The following MSANTD5 variants were observed in gnomAD, a reference collection of about 807,000 sequenced individuals.
MSANTD5 encodes the protein Myb/SANT DNA binding domain containing 5, also known as uncharacterized protein MSANTD5.
At chr5:178,701,029 A>T (rs6870637), upstream of MSANTD5, among the ~76,000 whole-genome samples, 3 of 151,896 alleles carry the variant, frequency 2.0e-5, no homozygotes, top group Admixed American at 1.3e-4. Context: ...GCTGGAGTGC[A>T]GTGGCGCGAT....
chr5:178,707,274 T>C, the MSANTD5 span: 1 of 152,104 alleles, frequency 6.6e-6, no homozygotes, highest in Non-Finnish European at 1.5e-5. Context: ...ACAGTTTAAA[T>C]GCCGAGGAAG....
the MSANTD5 span, among the ~76,000 whole-genome samples, chr5:178,702,846 C>T: frequency 2.6e-5 from 4 of 152,180 alleles, no homozygotes; most frequent in African/African-American, 9.7e-5. Flanking sequence ...ATCTGTCCGC[C>T]TCGGCCTCCC....
upstream of MSANTD5, among the ~76,000 whole-genome samples, chr5:178,700,535 C>T (rs747210208): frequency 2.0e-5 from 3 of 148,516 alleles, no homozygotes; most frequent in Admixed American, 6.8e-5. Context: ...CTTGGTCCTG[C>T]CCCACCTCAC....
chr5:178,691,591 A>G (rs576324790), downstream of MSANTD5, among the ~76,000 whole-genome samples: 55 of 136,434 alleles, frequency 4.0e-4, 7 homozygotes, highest in African/African-American at 1.4e-3. Flanking sequence ...AGCCCATAAG[A>G]AGGGCATGAA....
chr5:178,693,360 T>A (rs990945941), downstream of MSANTD5, among the ~76,000 whole-genome samples: 4 of 152,012 alleles, frequency 2.6e-5, no homozygotes, highest in African/African-American at 9.7e-5. Context: ...GGTGGGTTCT[T>A]GGTCTCACTG....
intron 1 of MSANTD5, among the ~76,000 whole-genome samples, 171 bp downstream of exon 1, chr5:178,697,415 C>T (rs1447688799): frequency 5.9e-5 from 9 of 152,280 alleles, no homozygotes; most frequent in African/African-American, 2.2e-4. Flanking sequence ...GATCGCGCCC[C>T]TGCACTCCAG....
chr5:178,694,697 T>C (rs1036193971), exon 4 of MSANTD5: 2 of 152,316 alleles, frequency 1.3e-5, no homozygotes, highest in Middle Eastern at 3.4e-3. Context: ...CTAAATGTCT[T>C]CAAGACCTGG....
At chr5:178,702,028 C>T (rs930968966), upstream of MSANTD5, among the ~76,000 whole-genome samples, 1 of 150,036 alleles carries the variant, frequency 6.7e-6, no homozygotes, top group African/African-American at 2.4e-5. Flanking sequence ...CCACCGCGCC[C>T]GGCCGAATAT....
chr5:178,705,887 G>A, the MSANTD5 span, among the ~76,000 whole-genome samples: 1 of 151,666 alleles, frequency 6.6e-6, no homozygotes, highest in African/African-American at 2.4e-5. Flanking sequence ...AACCCGGGAG[G>A]CAGAGCTTGC....
At chr5:178,706,595 CAA>C in the MSANTD5 span, among the ~76,000 whole-genome samples, 1 of 151,868 alleles carries the variant, frequency 6.6e-6, no homozygotes. Flanking sequence ...CTGGAATCCT[CAA>C]AGTGTTGAGC....
At chr5:178,696,479 G>A (rs1358801181) in intron 1 of MSANTD5, among the ~76,000 whole-genome samples, 1 of 152,218 alleles carries the variant, frequency 6.6e-6, no homozygotes, top group East Asian at 1.9e-4. Context: ...GCCTGTCTTG[G>A]ACTCCCAAAG....
intron 1 of MSANTD5, among the ~76,000 whole-genome samples, chr5:178,696,479 G>C (rs1358801181): frequency 6.6e-6 from 1 of 152,102 alleles, no homozygotes; most frequent in Non-Finnish European, 1.5e-5. Context: ...GCCTGTCTTG[G>C]ACTCCCAAAG....
At chr5:178,702,679 C>G (rs558891321), upstream of MSANTD5, among the ~76,000 whole-genome samples, 44 of 151,978 alleles carry the variant, frequency 2.9e-4, 1 homozygote, top group Admixed American at 1.4e-3. Context: ...CTCACTGCAA[C>G]CTCTGCCTCT....
chr5:178,704,780 T>C, the MSANTD5 span, among the ~76,000 whole-genome samples: 1 of 152,072 alleles, frequency 6.6e-6, no homozygotes, highest in Non-Finnish European at 1.5e-5. Context: ...AAGAATATAG[T>C]ATTTTAGGGA....
chr5:178,696,939 G>T (rs1426333858), intron 1 of MSANTD5, among the ~76,000 whole-genome samples: 3 of 152,108 alleles, frequency 2.0e-5, no homozygotes, highest in Non-Finnish European at 2.9e-5. Flanking sequence ...AGTTCCTGGG[G>T]TCACTCTGGG....
intron 1 of MSANTD5, among the ~76,000 whole-genome samples, chr5:178,696,536 T>G (rs932478526): frequency 6.6e-6 from 1 of 151,988 alleles, no homozygotes; most frequent in Admixed American, 6.6e-5. Flanking sequence ...CCCCTTGTAT[T>G]TAAAAAGTAA....
chr5:178,695,445 C>G (rs1765402125), exon 3 of MSANTD5: 1 of 152,168 alleles, frequency 6.6e-6, no homozygotes, highest in Admixed American at 6.6e-5. Context: ...TTCCTTCCAG[C>G]TCTTGTTGAT....
the MSANTD5 span, among the ~76,000 whole-genome samples, chr5:178,702,758 C>T: frequency 4.0e-5 from 6 of 151,664 alleles, no homozygotes; most frequent in Admixed American, 6.6e-5. Context: ...CGACCACGCC[C>T]GGCTAATTTT....
chr5:178,694,223 A>G (rs1158756443), downstream of MSANTD5, among the ~76,000 whole-genome samples: 1 of 150,300 alleles, frequency 6.7e-6, no homozygotes, highest in South Asian at 2.1e-4. Context: ...AGGCTGAGGC[A>G]GAGAATTGCT....
Sources: gnomAD v4.1 joint callset for allele counts (sites outside exome capture counted in the v4.1 genomes callset) on GRCh38, gnomAD v4.1.1 for gene constraint, MANE v1.5 for transcripts, NCBI Gene and HGNC (gene_info 2026-07-23, HGNC 2026-07-21) for gene names.